MTSS1: variants seen among roughly 807,000 people sequenced by gnomAD.
The protein encoded by MTSS1 is MTSS I-BAR domain containing 1.
Under a neutral mutation model 79.0 loss-of-function variants are expected in MTSS1, and 18 were observed. The observed-to-expected ratio is 0.23, with a 90% confidence interval of 0.16 to 0.34. MTSS1 has a LOEUF of 0.34. MTSS1 is among the 10% of genes least tolerant of loss of function. The pLI, the probability that MTSS1 is intolerant of heterozygous loss-of-function variation, is 1.00. For synonymous variants in MTSS1, 341 were observed against 368.6 expected, an observed-to-expected ratio of 0.93 and a Z score of 0.86; for missense variants, 815 against 986.2, an observed-to-expected ratio of 0.83 and a Z score of 2.33.
intron 3 of MTSS1, among the ~76,000 whole-genome samples, chr8:124,595,510 G>A (rs1832602551): frequency 6.6e-6 from 1 of 152,118 alleles, no homozygotes. Flanking sequence ...AGCCAGCGGT[G>A]CAATCTACTC....
At position 124,727,347 on chromosome 8, in the gene MTSS1, T is replaced by G. The variant is rs1833862203; in HGVS notation, c.72+537A>C. Among the ~76,000 whole-genome samples, 1 of 152,070 alleles carries G rather than the reference T, an allele frequency of 6.6e-6. No individual in the cohort carries two copies. Among genetic ancestry groups the G allele is most frequent in the Non-Finnish European group, 1.5e-5 (1 of 67,992 alleles). On this transcript the variant is annotated intron_variant, in intron 1 of 13. Transcript: ENST00000518547. The surrounding 1 kb of genome is among the most constrained non-coding windows in gnomAD (Gnocchi z 4.7). ...ACCAGCTTCGGAACGGCCCAATTAA[T>G]AACTAATTTGCTCAGATACCCCACT...
At chr8:124,621,737 T>C (rs543289781) in intron 3 of MTSS1, among the ~76,000 whole-genome samples, 2 of 152,224 alleles carry the variant, frequency 1.3e-5, no homozygotes, top group Non-Finnish European at 2.9e-5. Context: ...TTAGTAGAGA[T>C]GGGGTTTCAC....
intron 1 of MTSS1, among the ~76,000 whole-genome samples, chr8:124,708,379 G>C (rs948383327): frequency 6.6e-6 from 1 of 152,210 alleles, no homozygotes; most frequent in South Asian, 2.1e-4. Flanking sequence ...ATGTGTGGGG[G>C]ACAGACTGTA....
At chr8:124,727,000 C>A (rs1048956918) in intron 1 of MTSS1, among the ~76,000 whole-genome samples, 2 of 152,178 alleles carry the variant, frequency 1.3e-5, no homozygotes, top group Non-Finnish European at 2.9e-5. Flanking sequence ...TATCTCTAGG[C>A]ACCAGAAAAT....
chr8:124,678,859 C>T (rs536917711), intron 3 of MTSS1, among the ~76,000 whole-genome samples: 2 of 152,320 alleles, frequency 1.3e-5, no homozygotes, highest in East Asian at 3.9e-4. Context: ...AACCTGCAGA[C>T]CAATTCGTTA....
chr8:124,679,594 C>T (rs1413083047), intron 3 of MTSS1, among the ~76,000 whole-genome samples: 1 of 152,208 alleles, frequency 6.6e-6, no homozygotes, highest in Admixed American at 6.5e-5. Context: ...TCTAAGAAGC[C>T]AGCCCAGTCC....
intron 8 of MTSS1, among the ~76,000 whole-genome samples, chr8:124,566,382 ATATAATT>A (rs1826461442): frequency 6.6e-6 from 1 of 152,226 alleles, no homozygotes; most frequent in South Asian, 2.1e-4. Context: ...GGTCTAATAA[ATATAATT>A]TGATAGAATA....
chr8:124,628,276 C>T (rs1815142016), intron 3 of MTSS1, among the ~76,000 whole-genome samples: 1 of 152,190 alleles, frequency 6.6e-6, no homozygotes, highest in Admixed American at 6.5e-5. Flanking sequence ...CCATCCCAGG[C>T]TGCGAGTCTG....
At chr8:124,693,140 G>A (rs1828236173) in intron 3 of MTSS1, among the ~76,000 whole-genome samples, 1 of 152,118 alleles carries the variant, frequency 6.6e-6, no homozygotes, top group Non-Finnish European at 1.5e-5. Flanking sequence ...GGGCTGGAAA[G>A]GACATTCTGG....
At position 124,597,091 on chromosome 8, in the gene MTSS1, T is replaced by C. The variant is rs1308963236; in HGVS notation, c.209-5856A>G. 1.3e-5 allele frequency among the ~76,000 whole-genome samples: 2 copies of C among 152,032 alleles called. No individual in the cohort carries two copies. The highest frequency in any genetic ancestry group is 2.9e-5 in the Non-Finnish European group (2 of 68,008). The stretch of plus-strand genomic sequence containing the variant: ...CCACATCCTACCGTGCAGCAAAAAC[T>C]AACGTGATTTCAAGGACGGTGAAGA... On this transcript the variant is annotated intron_variant, in intron 3 of 13. Coordinates refer to ENST00000518547, the MANE Select transcript of MTSS1 (RefSeq NM_014751.6). The surrounding 1 kb of genome is among the most constrained non-coding windows in gnomAD (Gnocchi z 4.6).
chr8:124,661,876 TATG>T (rs773822972), intron 3 of MTSS1, among the ~76,000 whole-genome samples: 30 of 152,232 alleles, frequency 2.0e-4, no homozygotes, highest in Admixed American at 3.9e-4. Context: ...CCCCTTAGAC[TATG>T]ATATTTGTAA....
chr8:124,632,540 C>T lies in MTSS1; in HGVS notation c.209-41305G>A, dbSNP rs184066265. On this transcript the variant is annotated intron_variant, in intron 3 of 13. Coordinates refer to ENST00000518547, the MANE Select transcript of MTSS1 (RefSeq NM_014751.6). ...AATTTAAAGATAGATTTTGCTATAA[C>T]CTGGAAATTTCTCCAGCCAAAGGGT... 2.2e-3 allele frequency among the ~76,000 whole-genome samples: 335 copies of T among 152,226 alleles called. 4 individuals carry two copies. The highest frequency in any genetic ancestry group is 2.4e-3 in the Non-Finnish European group (161 of 68,002).
rs565953698 is a variant in MTSS1 at position 124,616,452 on chromosome 8, T to C, written c.209-25217A>G. ...TATGCTTCAGTATGTTCCGACATCC[T>C]GCCCATGGCTAGATTATGTGACCCA... On this transcript the variant is annotated intron_variant, in intron 3 of 13. Transcript: ENST00000518547. Among the ~76,000 whole-genome samples the C allele has an allele frequency of 2.0e-5, 3 of 151,726 alleles. No homozygotes were observed. The South Asian group carries it at 6.3e-4, about 32-fold the overall frequency.
At chr8:124,718,476 T>G (rs1476310695) in intron 1 of MTSS1, among the ~76,000 whole-genome samples, 1 of 152,114 alleles carries the variant, frequency 6.6e-6, no homozygotes, top group African/African-American at 2.4e-5. Context: ...TGTTTCCTAT[T>G]GGGGTGCCTC....
chr8:124,568,117 G>T, intron 7 of MTSS1: 1 of 710,362 alleles, frequency 1.4e-6, no homozygotes, highest in Non-Finnish European at 2.2e-6. Flanking sequence ...CTGACCTGGG[G>T]ACCTCACTTT....
intron 11 of MTSS1, among the ~76,000 whole-genome samples, chr8:124,557,086 G>C (rs1309108118): frequency 6.6e-6 from 1 of 152,230 alleles, no homozygotes; most frequent in East Asian, 1.9e-4. Context: ...GATCGGACTT[G>C]CTAGGGGATC....
chr8:124,718,460 G>A (rs950031768), intron 1 of MTSS1, among the ~76,000 whole-genome samples: 90 of 151,938 alleles, frequency 5.9e-4, no homozygotes, highest in Admixed American at 2.0e-4. Flanking sequence ...TCTGCTCCCC[G>A]CTCCCTGTTT....
At chr8:124,685,818 T>C (rs1312576029) in intron 3 of MTSS1, among the ~76,000 whole-genome samples, 1 of 152,112 alleles carries the variant, frequency 6.6e-6, no homozygotes, top group Non-Finnish European at 1.5e-5. Context: ...GAAGAAGACA[T>C]TCAGGAGAAA....
At chr8:124,718,985 C>T (rs7824588) in intron 1 of MTSS1, among the ~76,000 whole-genome samples, 104,822 of 152,056 alleles carry the variant, frequency 0.69, 36,529 homozygotes, top group Admixed American at 0.78. Flanking sequence ...TTTGTGTGTT[C>T]TTATCTGTCT....
Sources: gnomAD v4.1 joint callset for allele counts (sites outside exome capture counted in the v4.1 genomes callset) on GRCh38, gnomAD v4.1.1 for gene constraint, Gnocchi (gnomAD v3.1) non-coding constraint, MANE v1.5 for transcripts, NCBI Gene and HGNC (gene_info 2026-07-23, HGNC 2026-07-21) for gene names.